The following DDX27 variants were observed in gnomAD, a reference collection of about 807,000 sequenced individuals.
DDX27 encodes the protein probable ATP-dependent RNA helicase DDX27.
DDX27 carries 42 observed loss-of-function variants against 99.3 expected under a neutral mutation model. The observed-to-expected ratio is 0.42, with a 90% CI of 0.33 to 0.55. DDX27 has a LOEUF of 0.55. DDX27 is among the 20% of genes least tolerant of loss of function. The pLI, the probability that DDX27 is intolerant of heterozygous loss-of-function variation, is 0.07. For missense variants in DDX27, 798 were observed against 976.8 expected (o/e 0.82, Z 2.44); for synonymous variants, 329 against 353.8 (o/e 0.93, Z 0.79).
chr20:49,233,664 C>T lies in DDX27; in HGVS notation c.1228C>T (p.Arg410Trp), dbSNP rs1980204885. 1.2e-6 allele frequency: 2 copies of T among 1,613,984 alleles called. No homozygotes were observed. Among genetic ancestry groups the T allele is most frequent in the Non-Finnish European group, 1.7e-6 (2 of 1,179,980 alleles). Residue 410 changes from arginine (R) to tryptophan (W), a missense_variant, in exon 11 of 21, where the codon CGG becomes TGG. Physicochemically the swap from Arg to Trp is moderately radical, Grantham distance 101 (BLOSUM62 -3). Transcript: ENST00000618172. ...TCCCTTCCTGCGGCAGGAGTTCATC[C>T]GGATCCGGCCTAATCGTGAAGGAGA... The part of the protein sequence containing the change: ...VAPFLRQEFI[R>W]IRPNREGDRE...
chr20:49,234,745 C>G, intron 11 of DDX27, 190 bp from the exon 12 acceptor site: 1 of 583,372 alleles, frequency 1.7e-6, no homozygotes, highest in Non-Finnish European at 2.8e-6. Flanking sequence ...TGCACTCTCT[C>G]TCACAGCATT....
rs761437116 is a variant in DDX27, at chr20:49,243,885, G to A, written c.*51G>A. The A allele has an allele frequency of 3.1e-6, 5 of 1,604,812 alleles. No individual in the cohort carries two copies. The African/African-American group carries it at 5.3e-5, about 17-fold the overall frequency. On this transcript the variant is annotated 3_prime_UTR_variant, in exon 21 of 21. Coordinates refer to ENST00000618172, the MANE Select transcript of DDX27 (RefSeq NM_017895.8). ...GGGGCAGCCCTTAAATCCCTTCCCT[G>A]TGGGAAGTCATCCTGGCTGGTCTGT...
rs1195177696 is a variant in DDX27 at position 49,243,825 on chromosome 20, G to A, written c.2289G>A (p.Arg763=). 2 of 1,614,180 alleles carry A rather than the reference G, an allele frequency of 1.2e-6. No homozygotes were observed. Among genetic ancestry groups the A allele is most frequent in the East Asian group, 4.5e-5 (2 of 44,880 alleles). The change falls in exon 21 of 21, where the codon AGG becomes AGA. Residue 763 remains arginine, a synonymous_variant. Transcript: ENST00000618172. ...TCTGATTTTCTTACAGATACAAGAG[G>A]AGGAAGTAGCTGTCGTGGCCTGAAG... ...GNFKSKSRYK[R]RK
At chr20:49,233,804 T>C in intron 11 of DDX27, 95 bp downstream of exon 11, 1 of 1,417,100 alleles carries the variant, frequency 7.1e-7, no homozygotes, top group Non-Finnish European at 9.7e-7. Flanking sequence ...CCTGCGCCTC[T>C]GCCGTCCAGT....
chr20:49,233,077 T>C (rs1980179728), intron 9 of DDX27, among the ~76,000 whole-genome samples: 1 of 152,202 alleles, frequency 6.6e-6, no homozygotes, highest in African/African-American at 2.4e-5. Flanking sequence ...AGGAGTTGTG[T>C]GCTGAAATAT....
In DDX27 at chr20:49,223,026, A is replaced by C. The variant is rs766000442; in HGVS notation, c.300+10A>C. 1 of 1,611,842 alleles carries C rather than the reference A, an allele frequency of 6.2e-7. No homozygotes were observed. The highest frequency in any genetic ancestry group is 8.5e-7 in the Non-Finnish European group (1 of 1,178,792). On this transcript the variant is annotated intron_variant, in intron 3 of 20. Coordinates refer to ENST00000618172, the MANE Select transcript of DDX27 (RefSeq NM_017895.8). Reference sequence around the variant, plus strand: ...GAAAAGGAAAACAGAGGTGAGAAGAAAAGTGGCTATTTTTCGTTGTTAGGG... The same window carrying C: ...GAAAAGGAAAACAGAGGTGAGAAGACAAGTGGCTATTTTTCGTTGTTAGGG...
intron 14 of DDX27, 139 bp from the exon 15 acceptor site, chr20:49,238,810 A>C: frequency 3.8e-5 from 13 of 344,982 alleles, no homozygotes; most frequent in East Asian, 1.3e-4. Flanking sequence ...GAGTCTGGCC[A>C]CGTTGCCCAG....
At position 49,243,634 on chromosome 20, in the gene DDX27, C is replaced by T; in HGVS notation, c.2210C>T (p.Ser737Phe). ...KALKQYRAGP[S>F]FEERKQLGLP... ...CATGTCATCTTCTCTCACAGCCCTT[C>T]CTTTGAAGAAAGGAAACAGTTGGGC... The change falls in exon 20 of 21, where the codon TCC (serine) becomes TTC (phenylalanine). Residue 737 changes from serine to phenylalanine, a missense_variant. By Grantham distance (155) the Ser-to-Phe change is radical (BLOSUM62 -2). Coordinates refer to ENST00000618172, the MANE Select transcript of DDX27 (RefSeq NM_017895.8). 6.2e-7 allele frequency: 1 copy of T among 1,614,182 alleles called. No homozygotes were observed. The highest frequency in any genetic ancestry group is 1.1e-5 in the South Asian group (1 of 91,084).
At chr20:49,230,835 A>G (rs1980084751) in intron 9 of DDX27, among the ~76,000 whole-genome samples, 1 of 152,152 alleles carries the variant, frequency 6.6e-6, no homozygotes, top group African/African-American at 2.4e-5. Flanking sequence ...ACTGAACAGA[A>G]GGAACTCTTC....
chr20:49,243,736 T>C, intron 20 of DDX27, 33 bp downstream of exon 20: 6 of 1,614,014 alleles, frequency 3.7e-6, no homozygotes, highest in Non-Finnish European at 5.1e-6. Context: ...GGCATAGGTT[T>C]TGGGATTAGA....
intron 14 of DDX27, 157 bp from the exon 15 acceptor site, chr20:49,238,791 GT>G: frequency 4.0e-5 from 2 of 49,876 alleles, no homozygotes; most frequent in East Asian, 3.6e-4. Flanking sequence ...TTTTTTTTTT[GT>G]AGAGACAGAG....
chr20:49,226,459 C>T lies in DDX27; in HGVS notation c.630C>T (p.Pro210=). The change falls in exon 7 of 21, where the codon CCC becomes CCT. Residue 210 remains proline (P), a synonymous_variant. Coordinates refer to ENST00000618172, the MANE Select transcript of DDX27 (RefSeq NM_017895.8). ...TTACAGCCATGGGCTTCAAGCAGCCCACCCCGATCCAGAAGGCGTGCATAC... is the reference window on the plus strand; with the variant it reads ...TTACAGCCATGGGCTTCAAGCAGCCTACCCCGATCCAGAAGGCGTGCATAC... ...KAITAMGFKQ[P]TPIQKACIPV... is the part of the protein sequence containing the mutation. 6.2e-7 allele frequency: 1 copy of T among 1,614,022 alleles called. No homozygotes were observed.
In DDX27 at chr20:49,221,550, C is replaced by T. The variant is rs991093663; in HGVS notation, c.192C>T (p.Tyr64=). ...TTTTCACTGAGAAGGAGGGGACGTACGATGGCAGCTGGGCCCTGGCTGATG... is the reference window on the plus strand; with the variant it reads ...TTTTCACTGAGAAGGAGGGGACGTATGATGGCAGCTGGGCCCTGGCTGATG... The part of the protein sequence containing the change: ...DFVFTEKEGT[Y]DGSWALADVM... The change falls in exon 2 of 21, where the codon TAC becomes TAT. Residue 64 remains tyrosine, a synonymous_variant. Transcript: ENST00000618172. 8 of 1,612,968 alleles carry T rather than the reference C, an allele frequency of 5.0e-6. No individual in the cohort carries two copies. The highest frequency in any genetic ancestry group is 1.1e-5 in the South Asian group (1 of 90,950).
intron 7 of DDX27, among the ~76,000 whole-genome samples, chr20:49,227,066 T>G (rs1001525495): frequency 6.2e-4 from 92 of 149,514 alleles, no homozygotes; most frequent in East Asian, 2.4e-3. Context: ...GTTTCACCGT[T>G]TTAGCCGGGA....
intron 3 of DDX27, 72 bp from the exon 4 acceptor site, chr20:49,223,196 C>A: frequency 6.6e-7 from 1 of 1,508,266 alleles, no homozygotes; most frequent in Non-Finnish European, 9.0e-7. Context: ...GGCCGGAGAG[C>A]TTCCTATCGC....
At chr20:49,230,133 TG>T in intron 8 of DDX27, 65 bp from the exon 9 acceptor site, 1 of 1,524,734 alleles carries the variant, frequency 6.6e-7, no homozygotes, top group African/African-American at 1.4e-5. Flanking sequence ...GGTGAGTGGC[TG>T]GTGCTCAGTC....
Position 49,223,493 on chromosome 20 carries a change from T to A in DDX27, c.466+60T>A, listed in dbSNP as rs534845902. 21 of 1,499,624 alleles carry A rather than the reference T, an allele frequency of 1.4e-5. No homozygotes were observed. The South Asian group carries it at 2.6e-4, about 18-fold the overall frequency. 92.9% of individuals were successfully genotyped at this position (1,499,624 alleles called of 1,614,324 possible). On this transcript the variant is annotated intron_variant, in intron 4 of 20. Coordinates refer to ENST00000618172, the MANE Select transcript of DDX27 (RefSeq NM_017895.8). ...CAGGAGATCAGAAGGCATCCTCCTT[T>A]ACTTTGTAGGGTTTCCTCCACTCTT...
intron 6 of DDX27, 36 bp from the exon 7 acceptor site, chr20:49,226,394 G>A (rs368514165): frequency 3.8e-5 from 60 of 1,570,908 alleles, no homozygotes; most frequent in Non-Finnish European, 5.1e-5. Context: ...GACTTCCCCC[G>A]CTCAACCCTG....
intron 16 of DDX27, among the ~76,000 whole-genome samples, chr20:49,241,304 A>C (rs951488610): frequency 3.3e-5 from 5 of 152,150 alleles, no homozygotes; most frequent in Non-Finnish European, 7.3e-5. Context: ...TTTCTGATAA[A>C]AATAGAGTTA....
Sources: gnomAD v4.1 joint callset for allele counts (sites outside exome capture counted in the v4.1 genomes callset) on GRCh38, gnomAD v4.1.1 for gene constraint, MANE v1.5 for transcripts, NCBI Gene and HGNC (gene_info 2026-07-23, HGNC 2026-07-21) for gene names.